Variants in PDE3A observed in about 807,000 individuals in gnomAD.
PDE3A encodes the protein cGMP-inhibited 3',5'-cyclic phosphodiesterase 3A.
PDE3A carries 43 observed loss-of-function variants against 98.3 expected under a neutral mutation model. The ratio of observed to expected loss-of-function variants is 0.44; its 90% confidence interval spans 0.34 to 0.56. PDE3A has a LOEUF of 0.56. Ranked by LOEUF, PDE3A falls within the 20% of genes least tolerant of loss-of-function variation. The pLI is 0.01. For synonymous variants in PDE3A, 663 were observed against 567.9 expected (o/e 1.17, Z -2.38); for missense variants, 1,427 against 1,440.7 (o/e 0.99, Z 0.15).
intron 1 of PDE3A, among the ~76,000 whole-genome samples, chr12:20,425,053 G>C (rs767613685): frequency 2.9e-4 from 44 of 152,200 alleles, no homozygotes; most frequent in Non-Finnish European, 5.4e-4. Context: ...TCATTCATTT[G>C]AAAGAACTGA....
intron 2 of PDE3A, among the ~76,000 whole-genome samples, chr12:20,583,077 C>A (rs1269555175): frequency 6.6e-6 from 1 of 152,050 alleles, no homozygotes; most frequent in Non-Finnish European, 1.5e-5. Flanking sequence ...TTCAGTCAAG[C>A]CCCTGCCCAG....
chr12:20,520,447 G>T (rs774247082), intron 1 of PDE3A, among the ~76,000 whole-genome samples: 2 of 152,144 alleles, frequency 1.3e-5, no homozygotes, highest in South Asian at 2.1e-4. Context: ...CCATCCTGGT[G>T]CGTGCTGGCT....
intron 15 of PDE3A, among the ~76,000 whole-genome samples, chr12:20,657,131 A>G (rs1945061860): frequency 6.6e-6 from 1 of 152,258 alleles, no homozygotes; most frequent in African/African-American, 2.4e-5. Flanking sequence ...CAACCAAGAA[A>G]ATGATAAATA....
chr12:20,659,666 A>G (rs2121522307), intron 15 of PDE3A, among the ~76,000 whole-genome samples: 1 of 152,254 alleles, frequency 6.6e-6, no homozygotes, highest in East Asian at 1.9e-4. Context: ...GGAACCCCTG[A>G]CGTCAAGTGA....
At chr12:20,592,664 C>T (rs1191022214) in intron 2 of PDE3A, among the ~76,000 whole-genome samples, 1 of 152,136 alleles carries the variant, frequency 6.6e-6, no homozygotes, top group Non-Finnish European at 1.5e-5. Context: ...GTGCACTGTG[C>T]CTCTTCTTTC....
chr12:20,478,253 T>C (rs1455132676), intron 1 of PDE3A, among the ~76,000 whole-genome samples: 1 of 152,100 alleles, frequency 6.6e-6, no homozygotes, highest in African/African-American at 2.4e-5. Context: ...ACATACCAGA[T>C]TGGAAGGAGC....
intron 2 of PDE3A, among the ~76,000 whole-genome samples, chr12:20,561,579 TG>T (rs962284109): frequency 7.9e-5 from 12 of 152,130 alleles, no homozygotes; most frequent in African/African-American, 2.9e-4. Context: ...TTTTAGCCTT[TG>T]AGGAATCAGA....
At chr12:20,558,277 A>G (rs1045190364) in intron 2 of PDE3A, among the ~76,000 whole-genome samples, 5 of 152,020 alleles carry the variant, frequency 3.3e-5, no homozygotes, top group Non-Finnish European at 7.4e-5. Flanking sequence ...AAAATTTTTA[A>G]AATTCCAAAT....
intron 6 of PDE3A, among the ~76,000 whole-genome samples, chr12:20,632,803 T>C (rs1592131646): frequency 6.6e-6 from 1 of 151,920 alleles, no homozygotes; most frequent in African/African-American, 2.4e-5. Context: ...AACTGATCGA[T>C]CTGAAAAAAA....
intron 7 of PDE3A, among the ~76,000 whole-genome samples, chr12:20,634,527 C>T (rs768641075): frequency 6.6e-6 from 1 of 152,178 alleles, no homozygotes; most frequent in Non-Finnish European, 1.5e-5. Context: ...GGTGTGTCAA[C>T]TCAGTTTCTC....
chr12:20,445,661 A>C (rs1370368995), intron 1 of PDE3A, among the ~76,000 whole-genome samples: 1 of 152,196 alleles, frequency 6.6e-6, no homozygotes, highest in East Asian at 1.9e-4. Flanking sequence ...GAACATGGGA[A>C]TATGGCCTCA....
chr12:20,435,346 C>G (rs775204705), intron 1 of PDE3A, among the ~76,000 whole-genome samples: 1 of 152,026 alleles, frequency 6.6e-6, no homozygotes, highest in Non-Finnish European at 1.5e-5. Flanking sequence ...AATTCTTCTA[C>G]GTCATTCAAT....
At chr12:20,644,619 T>C (rs1289498274) in intron 10 of PDE3A, among the ~76,000 whole-genome samples, 1 of 152,194 alleles carries the variant, frequency 6.6e-6, no homozygotes, top group African/African-American at 2.4e-5. Flanking sequence ...AATATGATCG[T>C]AATTCTCTTG....
intron 1 of PDE3A, among the ~76,000 whole-genome samples, chr12:20,546,617 G>A (rs1016334152): frequency 6.6e-6 from 1 of 152,050 alleles, no homozygotes; most frequent in Non-Finnish European, 1.5e-5. Flanking sequence ...GGTTAAAGAA[G>A]TGCTTTTAGT....
intron 2 of PDE3A, among the ~76,000 whole-genome samples, chr12:20,607,731 G>GAA (rs1651138546): frequency 6.6e-6 from 1 of 151,702 alleles, no homozygotes; most frequent in East Asian, 1.9e-4. Flanking sequence ...TTTTTTAAAG[G>GAA]AAAAGATTTG....
chr12:20,570,112 T>G (rs1420301451), intron 2 of PDE3A, among the ~76,000 whole-genome samples: 3 of 152,022 alleles, frequency 2.0e-5, no homozygotes, highest in African/African-American at 7.2e-5. Flanking sequence ...GGAGAAAAAT[T>G]GTGCTCTCTT....
At chr12:20,656,810 C>T (rs918076913) in intron 15 of PDE3A, among the ~76,000 whole-genome samples, 1 of 152,268 alleles carries the variant, frequency 6.6e-6, no homozygotes, top group Non-Finnish European at 1.5e-5. Flanking sequence ...AAAATACAGA[C>T]GCACAGATCC....
intron 1 of PDE3A, among the ~76,000 whole-genome samples, chr12:20,461,532 C>T (rs1238969626): frequency 6.6e-6 from 1 of 152,086 alleles, no homozygotes; most frequent in Non-Finnish European, 1.5e-5. Flanking sequence ...ACATTTGCTT[C>T]TATCTTTTTC....
intron 1 of PDE3A, among the ~76,000 whole-genome samples, chr12:20,472,275 A>G (rs1281618440): frequency 8.5e-5 from 13 of 152,168 alleles, no homozygotes; most frequent in Admixed American, 7.9e-4. Context: ...ACTCTAGCCA[A>G]CTACTTGCAT....
Sources: allele counts gnomAD v4.1 joint callset (sites outside exome capture counted in the v4.1 genomes callset), GRCh38; gene constraint gnomAD v4.1.1; transcripts MANE v1.5; gene names NCBI Gene and HGNC (gene_info 2026-07-23, HGNC 2026-07-21).